The following FAM120A variants were observed in gnomAD, a reference collection of about 807,000 sequenced individuals.
The protein encoded by FAM120A is constitutive coactivator of PPAR-gamma-like protein 1.
FAM120A carries 15 observed loss-of-function variants against 109.7 expected under a neutral mutation model. The ratio of observed to expected loss-of-function variants is 0.14; its 90% CI spans 0.09 to 0.21. FAM120A has a LOEUF of 0.21. Ranked by LOEUF, FAM120A falls within the 10% of genes least tolerant of loss-of-function variation. FAM120A has a pLI of 1.00. For synonymous variants in FAM120A, 493 were observed against 572.8 expected (o/e 0.86, Z 1.99); for missense variants, 899 against 1,439.3 (o/e 0.62, Z 6.07).
intron 10 of FAM120A, among the ~76,000 whole-genome samples, chr9:93,535,693 C>T (rs986164339): frequency 6.6e-6 from 1 of 152,122 alleles, no homozygotes; most frequent in Non-Finnish European, 1.5e-5. Context: ...GAGGGGGAAA[C>T]AAGCCTATAA....
chr9:93,513,266 G>A (rs149617196), intron 5 of FAM120A, among the ~76,000 whole-genome samples: 1 of 152,314 alleles, frequency 6.6e-6, no homozygotes, highest in African/African-American at 2.4e-5. Flanking sequence ...TGCAGATCTA[G>A]CCAACATACT....
At chr9:93,557,024 A>G (rs1862305783) in intron 13 of FAM120A, among the ~76,000 whole-genome samples, 1 of 151,824 alleles carries the variant, frequency 6.6e-6, no homozygotes, top group Non-Finnish European at 1.5e-5. Context: ...TGTAACACGT[A>G]TATTCTCTGT....
At position 93,564,472 on chromosome 9, in the gene FAM120A, C is replaced by G. The variant is rs1862575845; in HGVS notation, c.3289C>G (p.Leu1097Val). 1.2e-6 allele frequency: 2 copies of G among 1,614,086 alleles called. No homozygotes were observed. Among genetic ancestry groups the G allele is most frequent in the African/African-American group, 1.3e-5 (1 of 74,936 alleles). ...CAATACAAATCCTCATTTAAATGCACTAAGTACAGACAGCGCTTGCCGCAG... is the reference window on the plus strand; with the variant it reads ...CAATACAAATCCTCATTTAAATGCAGTAAGTACAGACAGCGCTTGCCGCAG... ...TCNTNPHLNA[L>V]STDSACRREA... Residue 1097 changes from leucine (L) to valine (V), a missense_variant, in exon 18 of 18, where the codon CTA becomes GTA. Coordinates refer to ENST00000277165, the MANE Select transcript of FAM120A (RefSeq NM_014612.5).
chr9:93,481,072 T>C lies in FAM120A; in HGVS notation c.804+4734T>C, dbSNP rs76152877. ...CCTCCTCCTGTGCCCTGGGAGTGGCTGGCCATTCGGTCTGCCTGGACATAA... is the reference window on the plus strand; with the variant it reads ...CCTCCTCCTGTGCCCTGGGAGTGGCCGGCCATTCGGTCTGCCTGGACATAA... On this transcript the variant is annotated intron_variant, in intron 3 of 17. Coordinates refer to ENST00000277165, the MANE Select transcript of FAM120A (RefSeq NM_014612.5). 6.6e-3 allele frequency among the ~76,000 whole-genome samples: 1,006 copies of C among 152,356 alleles called. 14 individuals are homozygous for C. The highest frequency in any genetic ancestry group is 0.023 in the African/African-American group (972 of 41,576).
rs1000662358 is a variant in FAM120A at position 93,529,238 on chromosome 9, A to T, written c.1507-115A>T. On this transcript the variant is annotated intron_variant, in intron 8 of 17. Transcript: ENST00000277165. ...GCACCAAATCTGGTCTCTCTAAGACAGGACTCATCTTTGTCCCCTCCGTGT... is the reference window on the plus strand; with the variant it reads ...GCACCAAATCTGGTCTCTCTAAGACTGGACTCATCTTTGTCCCCTCCGTGT... 5 of 902,918 alleles carry T rather than the reference A, an allele frequency of 5.5e-6. No individual in the cohort carries two copies. The African/African-American group carries it at 6.7e-5, about 12-fold the overall frequency. The allele number at this position is 902,918 out of a possible 1,614,324, so 55.9% of individuals were successfully genotyped here.
At chr9:93,524,462 C>T (rs531098509) in intron 7 of FAM120A, among the ~76,000 whole-genome samples, 46 of 152,310 alleles carry the variant, frequency 3.0e-4, no homozygotes, top group South Asian at 2.3e-3. Context: ...GGCTTTCATA[C>T]GGAAGAAGCT....
intron 5 of FAM120A, among the ~76,000 whole-genome samples, chr9:93,509,977 G>A (rs143709309): frequency 9.9e-5 from 15 of 152,256 alleles, no homozygotes; most frequent in African/African-American, 3.4e-4. Flanking sequence ...TTTTTGAGAT[G>A]CGTCCTAGTT....
chr9:93,453,597 G>T, intron 1 of FAM120A: 1 of 985,404 alleles, frequency 1.0e-6, no homozygotes, highest in Non-Finnish European at 1.2e-6. Flanking sequence ...GATAGCGGAA[G>T]TCCCACCCAC....
chr9:93,542,315 T>C (rs10821156), intron 10 of FAM120A, among the ~76,000 whole-genome samples: 136,654 of 152,260 alleles, frequency 0.9, 61,402 homozygotes, highest in East Asian at 1. Context: ...ATAAAATGCA[T>C]ACCCAGATTT....
chr9:93,463,262 T>G (rs949559332), intron 1 of FAM120A, among the ~76,000 whole-genome samples: 1 of 152,218 alleles, frequency 6.6e-6, no homozygotes. Flanking sequence ...TGATTTATAT[T>G]TCTGTAATAA....
chr9:93,452,768 C>CTAA lies in FAM120A; in HGVS notation c.474+381_474+383dup. The stretch of plus-strand genomic sequence containing the variant: ...CAACTTTGACAAAATACTCCCTTTT[C>CTAA]TAATTTAGCCTGTTCTTTCCCAGCA... On this transcript the variant is annotated intron_variant, in intron 1 of 17. Coordinates refer to ENST00000277165, the MANE Select transcript of FAM120A (RefSeq NM_014612.5). This position sits in a 1 kb window ranked among gnomAD's most constrained non-coding sequence, Gnocchi z 7.0. 6.3e-7 allele frequency: 1 copy of CTAA among 1,596,316 alleles called. No individual in the cohort carries two copies. Among genetic ancestry groups the CTAA allele is most frequent in the South Asian group, 1.1e-5 (1 of 90,458 alleles).
chr9:93,533,890 C>T (rs1289464260), intron 10 of FAM120A, among the ~76,000 whole-genome samples: 3 of 152,194 alleles, frequency 2.0e-5, no homozygotes, highest in Non-Finnish European at 4.4e-5. Context: ...AACAGAGTTA[C>T]CTTTACATAG....
At chr9:93,543,575 A>G in intron 11 of FAM120A, 104 bp downstream of exon 11, 1 of 1,399,730 alleles carries the variant, frequency 7.1e-7, no homozygotes, top group Non-Finnish European at 9.6e-7. Context: ...TTTATTCCTG[A>G]TCAATCATGT....
chr9:93,472,951 A>G (rs1858374370), intron 2 of FAM120A, among the ~76,000 whole-genome samples: 1 of 152,234 alleles, frequency 6.6e-6, no homozygotes, highest in African/African-American at 2.4e-5. Context: ...TTAAAAGATC[A>G]GCAAACTGCC....
chr9:93,529,033 G>C (rs545113019), intron 8 of FAM120A, among the ~76,000 whole-genome samples: 43 of 152,250 alleles, frequency 2.8e-4, no homozygotes, highest in African/African-American at 1.0e-3. Context: ...AGATAGCAAG[G>C]CTCCTGCCTC....
rs752643954 is a variant in FAM120A, at chr9:93,550,611, C to T, written c.2194C>T (p.Arg732Trp). 8.1e-6 allele frequency: 13 copies of T among 1,613,794 alleles called. No individual in the cohort carries two copies. Among genetic ancestry groups the T allele is most frequent in the African/African-American group, 4.0e-5 (3 of 74,914 alleles). ...MVQWPGARIL[R>W]RQELDAFLAQ... ...GCAGTGGCCGGGAGCACGCATCCTT[C>T]GGCGTCAGGAGCTAGATGCCTTCCT... is the stretch of plus-strand genomic sequence containing the variant. Residue 732 changes from arginine (R) to tryptophan (W), a missense_variant, in exon 12 of 18, where the codon CGG becomes TGG. Arg to Trp is a moderately radical substitution (Grantham distance 101, BLOSUM62 -3). Around this residue, in one of 11 missense-constraint regions of FAM120A, gnomAD observed 133 missense variants for 276.6 expected, o/e 0.48. Coordinates refer to ENST00000277165, the MANE Select transcript of FAM120A (RefSeq NM_014612.5).
intron 10 of FAM120A, among the ~76,000 whole-genome samples, chr9:93,542,231 A>T (rs555537728): frequency 1.2e-4 from 18 of 152,186 alleles, no homozygotes; most frequent in Non-Finnish European, 2.5e-4. Flanking sequence ...GTGTAGCAGC[A>T]CTGGGCAAGG....
chr9:93,529,318 A>G lies in FAM120A; in HGVS notation c.1507-35A>G, dbSNP rs1388053080. The G allele has an allele frequency of 3.3e-6, 5 of 1,519,956 alleles. No individual in the cohort carries two copies. In the South Asian group the frequency reaches 3.8e-5, roughly 12 times the overall value. The allele number at this position is 1,519,956 out of a possible 1,614,324, so 94.2% of individuals were successfully genotyped here. A position where few individuals can be genotyped will look rare whatever the true frequency, so the allele number is the denominator to read the frequency against. On this transcript the variant is annotated intron_variant, in intron 8 of 17. Coordinates refer to ENST00000277165, the MANE Select transcript of FAM120A (RefSeq NM_014612.5). ...TTAAATGAATGAAAACATGACATAC[A>G]CTCGTTTTCCTCCCTTCTGCTCTCT... is the stretch of plus-strand genomic sequence containing the variant.
chr9:93,491,499 T>C (rs1171332726), intron 3 of FAM120A, among the ~76,000 whole-genome samples: 2 of 152,192 alleles, frequency 1.3e-5, no homozygotes, highest in Non-Finnish European at 2.9e-5. Context: ...TGAAAATCTT[T>C]CACATAAGAG....
Sources: gnomAD v4.1 joint callset for allele counts (sites outside exome capture counted in the v4.1 genomes callset) on GRCh38, gnomAD v4.1.1 for gene constraint, gnomAD v4.1.1 regional missense constraint, Gnocchi (gnomAD v3.1) non-coding constraint, MANE v1.5 for transcripts, NCBI Gene and HGNC (gene_info 2026-07-23, HGNC 2026-07-21) for gene names.